Variants in LAPTM5 observed in about 807,000 individuals in gnomAD.
LAPTM5 encodes the protein lysosomal-associated transmembrane protein 5.
In LAPTM5, 11 loss-of-function variants were observed where a neutral mutation model predicts 30.1. That is an observed-to-expected ratio of 0.37 (90% CI 0.23 to 0.60). LAPTM5 has a LOEUF of 0.60. LAPTM5 is among the 20% of genes least tolerant of loss of function. The pLI, the probability that LAPTM5 is intolerant of heterozygous loss-of-function variation, is 0.71. For missense variants in LAPTM5, 324 were observed against 332.5 expected, an observed-to-expected ratio of 0.97 and a Z score of 0.20; for synonymous variants, 151 against 137.9, an observed-to-expected ratio of 1.10 and a Z score of -0.67.
At chr1:30,743,665 G>A (rs766748661) in intron 1 of LAPTM5, among the ~76,000 whole-genome samples, 9 of 152,140 alleles carry the variant, frequency 5.9e-5, no homozygotes, top group Middle Eastern at 3.4e-3. Context: ...CCCTCTAGTC[G>A]GTGCCCTATC....
At chr1:30,741,939 T>C (rs1569860484) in intron 2 of LAPTM5, 2 of 417,002 alleles carry the variant, frequency 4.8e-6, no homozygotes, top group Admixed American at 4.0e-5. Context: ...GGGCTGGAGG[T>C]GCAGGCTGGG....
intron 1 of LAPTM5, among the ~76,000 whole-genome samples, chr1:30,755,145 C>T (rs923955785): frequency 3.3e-5 from 5 of 152,154 alleles, no homozygotes; most frequent in Non-Finnish European, 7.3e-5. Flanking sequence ...CTTTTGCTTG[C>T]TCCTGCTCTA....
chr1:30,733,996 C>T, intron 7 of LAPTM5, 79 bp from the exon 8 acceptor site: 2 of 1,454,368 alleles, frequency 1.4e-6, no homozygotes, highest in Non-Finnish European at 1.9e-6. Context: ...GGGACCCAAA[C>T]CCCCACCTCT....
At chr1:30,756,535 T>C (rs1001477807) in intron 1 of LAPTM5, among the ~76,000 whole-genome samples, 1 of 152,206 alleles carries the variant, frequency 6.6e-6, no homozygotes, top group African/African-American at 2.4e-5. Context: ...GTTAAGTAAA[T>C]TGCCCAAGGC....
chr1:30,738,746 C>T (rs938262301), intron 5 of LAPTM5, among the ~76,000 whole-genome samples, 194 bp downstream of exon 5: 10 of 152,200 alleles, frequency 6.6e-5, no homozygotes, highest in South Asian at 2.1e-4. Context: ...CTCCTTTTCT[C>T]GAACCTGCCT....
chr1:30,752,602 C>T (rs1557468772), intron 1 of LAPTM5, among the ~76,000 whole-genome samples: 1 of 152,218 alleles, frequency 6.6e-6, no homozygotes, highest in Non-Finnish European at 1.5e-5. Context: ...TCCAGAATCC[C>T]AACCTCCAGC....
At chr1:30,734,066 G>T in intron 7 of LAPTM5, 149 bp from the exon 8 acceptor site, 1 of 869,586 alleles carries the variant, frequency 1.1e-6, no homozygotes, top group Non-Finnish European at 1.8e-6. Context: ...GCTAGACATT[G>T]CCTGCATGAG....
intron 1 of LAPTM5, among the ~76,000 whole-genome samples, chr1:30,747,446 G>T (rs1484556661): frequency 3.9e-5 from 6 of 152,194 alleles, no homozygotes; most frequent in Admixed American, 6.5e-5. Flanking sequence ...GGCTCAGGCT[G>T]CGGTCCCAGC....
chr1:30,741,530 G>A (rs1196916453), intron 3 of LAPTM5, 110 bp downstream of exon 3: 1 of 612,236 alleles, frequency 1.6e-6, no homozygotes, highest in African/African-American at 1.9e-5. Flanking sequence ...ACGCAGGTGG[G>A]ACCGCCTAAC....
chr1:30,743,299 TTGAATGAATGAATGAA>T (rs150944541), intron 1 of LAPTM5, among the ~76,000 whole-genome samples: 1 of 152,070 alleles, frequency 6.6e-6, no homozygotes, highest in Admixed American at 6.5e-5. Flanking sequence ...GTTGTATTTG[TTGAATGAATGAATGAA>T]TGAATGAATG....
chr1:30,750,490 A>G (rs979632205), intron 1 of LAPTM5, among the ~76,000 whole-genome samples: 5 of 151,842 alleles, frequency 3.3e-5, no homozygotes, highest in African/African-American at 1.2e-4. Context: ...CTGACCATAC[A>G]CTCTCTCGTG....
At chr1:30,741,446 A>T (rs1368602993) in intron 3 of LAPTM5, among the ~76,000 whole-genome samples, 194 bp downstream of exon 3, 4 of 152,172 alleles carry the variant, frequency 2.6e-5, no homozygotes, top group African/African-American at 9.7e-5. Context: ...GTTACCAGGG[A>T]ACTGAGGTCA....
At chr1:30,742,905 A>T (rs1330146198) in intron 1 of LAPTM5, among the ~76,000 whole-genome samples, 1 of 152,120 alleles carries the variant, frequency 6.6e-6, no homozygotes, top group Non-Finnish European at 1.5e-5. Context: ...AGTTCTCAGG[A>T]AGAGTGGTAA....
At chr1:30,741,470 T>G (rs1441454829) in intron 3 of LAPTM5, among the ~76,000 whole-genome samples, 170 bp downstream of exon 3, 1 of 152,100 alleles carries the variant, frequency 6.6e-6, no homozygotes, top group African/African-American at 2.4e-5. Flanking sequence ...GCCCAGGGAA[T>G]CTCAGGGAGA....
chr1:30,735,024 A>G (rs1402576606), intron 7 of LAPTM5, 149 bp downstream of exon 7: 2 of 669,598 alleles, frequency 3.0e-6, no homozygotes, highest in Non-Finnish European at 5.4e-6. Flanking sequence ...TGAATCTTAG[A>G]CTACCAGAAC....
intron 1 of LAPTM5, 104 bp downstream of exon 1, chr1:30,757,555 G>T: frequency 1.7e-6 from 2 of 1,175,168 alleles, no homozygotes; most frequent in Non-Finnish European, 2.5e-6. Context: ...GAGGTGGAGA[G>T]CAGGAGTTCT....
Position 30,739,265 on chromosome 1 carries a change from T to C in LAPTM5, c.388-203A>G. Reference sequence around the variant, plus strand: ...CAGACCCAAGACTAGAACCAAGGTCTCCAGACTCCCGGGCCAGGGCCCTTC... The same window carrying C: ...CAGACCCAAGACTAGAACCAAGGTCCCCAGACTCCCGGGCCAGGGCCCTTC... On this transcript the variant is annotated intron_variant, in intron 4 of 7. Coordinates refer to ENST00000294507, the MANE Select transcript of LAPTM5 (RefSeq NM_006762.3). The surrounding 1 kb of genome is among the most constrained non-coding windows in gnomAD (Gnocchi z 4.2). 1.7e-6 allele frequency: 1 copy of C among 584,028 alleles called. No individual in the cohort carries two copies. 36.2% of individuals were successfully genotyped at this position (584,028 alleles called of 1,614,324 possible).
In LAPTM5 at chr1:30,757,534, G is replaced by T. The variant is rs1232434369; in HGVS notation, c.87+125C>A. The T allele has an allele frequency of 6.1e-6, 6 of 990,498 alleles. No individual in the cohort carries two copies. The African/African-American group carries it at 9.6e-5, about 16-fold the overall frequency. 61.4% of individuals were successfully genotyped at this position (990,498 alleles called of 1,614,324 possible). ...CAGAGCAGGACAGGGATTTGCCCAG[G>T]GTCCCCCAGAGAGGTGGAGAGCAGG... On this transcript the variant is annotated intron_variant, in intron 1 of 7. Transcript: ENST00000294507.
At chr1:30,744,076 G>A (rs1173932169) in intron 1 of LAPTM5, among the ~76,000 whole-genome samples, 1 of 152,134 alleles carries the variant, frequency 6.6e-6, no homozygotes, top group Non-Finnish European at 1.5e-5. Flanking sequence ...GGACTGGCAG[G>A]GGGTGCCCAG....
Sources: allele counts gnomAD v4.1 joint callset (sites outside exome capture counted in the v4.1 genomes callset), GRCh38; gene constraint gnomAD v4.1.1; non-coding constraint Gnocchi (gnomAD v3.1); transcripts MANE v1.5; gene names NCBI Gene and HGNC (gene_info 2026-07-23, HGNC 2026-07-21).